DGKB: variants seen among roughly 807,000 people sequenced by gnomAD.
DGKB encodes diacylglycerol kinase beta.
In DGKB, 67 loss-of-function variants were observed where a neutral mutation model predicts 114.3. That is an observed-to-expected ratio of 0.59 (90% CI 0.48 to 0.72). DGKB has a LOEUF of 0.72. Ranked by LOEUF, DGKB falls within the 30% of genes least tolerant of loss-of-function variation. The probability of loss-of-function intolerance (pLI) is 0.00; values close to 1 mark genes in which losing one functional copy is unlikely to be tolerated. For synonymous variants in DGKB, 398 were observed against 323.1 expected, an observed-to-expected ratio of 1.23 and a Z score of -2.49; for missense variants, 907 against 975.2, an observed-to-expected ratio of 0.93 and a Z score of 0.93.
intron 1 of DGKB, among the ~76,000 whole-genome samples, chr7:14,899,044 G>C (rs1404591783): frequency 1.3e-5 from 2 of 152,020 alleles, no homozygotes; most frequent in African/African-American, 4.8e-5. Flanking sequence ...AATATTGTTT[G>C]GCTCTACGCC....
intron 22 of DGKB, among the ~76,000 whole-genome samples, chr7:14,338,936 A>G (rs1168555729): frequency 6.6e-6 from 1 of 152,070 alleles, no homozygotes; most frequent in African/African-American, 2.4e-5. Flanking sequence ...AAAATGATCA[A>G]ATTAAATCAC....
In DGKB at chr7:14,786,784, A is replaced by G. The variant is rs187987628; in HGVS notation, c.71-29053T>C. On this transcript the variant is annotated intron_variant, in intron 2 of 25. Transcript: ENST00000402815. ...AGCCCCCTCCAGATTTTGGGTGCCA[A>G]TGAGCACGGCAGGGAAGCCAAGGGG... is the stretch of plus-strand genomic sequence containing the variant. Among the ~76,000 whole-genome samples, 97 of 152,350 alleles carry G rather than the reference A, an allele frequency of 6.4e-4. 1 individual carries two copies. The highest frequency in any genetic ancestry group is 2.3e-3 in the African/African-American group (95 of 41,580).
chr7:14,242,481 T>G (rs1001249963), intron 23 of DGKB, among the ~76,000 whole-genome samples: 2 of 152,156 alleles, frequency 1.3e-5, no homozygotes, highest in African/African-American at 4.8e-5. Context: ...ACTGCGTGTC[T>G]GAGAAGGAGC....
chr7:14,758,320 A>C (rs527399551), intron 2 of DGKB, among the ~76,000 whole-genome samples: 1 of 152,156 alleles, frequency 6.6e-6, no homozygotes, highest in Non-Finnish European at 1.5e-5. Flanking sequence ...AGAAATTTTA[A>C]GTTAATAAAA....
At chr7:14,376,708 G>A (rs1165793172) in intron 21 of DGKB, among the ~76,000 whole-genome samples, 1 of 152,120 alleles carries the variant, frequency 6.6e-6, no homozygotes, top group African/African-American at 2.4e-5. Context: ...TAGCACATGT[G>A]TTGCCTGTTT....
At chr7:14,674,738 T>C (rs1033585686) in intron 12 of DGKB, among the ~76,000 whole-genome samples, 6 of 151,962 alleles carry the variant, frequency 3.9e-5, no homozygotes, top group African/African-American at 1.4e-4. Flanking sequence ...TCTGATAACA[T>C]AGGTCGATAT....
rs539335739 is a variant in DGKB, at chr7:14,287,925, A to G, written c.2122+50590T>C. Among the ~76,000 whole-genome samples, 5 of 152,268 alleles carry G rather than the reference A, an allele frequency of 3.3e-5. No homozygotes were observed. The South Asian group carries it at 1.0e-3, about 32-fold the overall frequency. ...ATTTTTAAACATAATTATTCCCTTG[A>G]TACTGCCTCATTTCCACATTAGTCC... On this transcript the variant is annotated intron_variant, in intron 23 of 25. Coordinates refer to ENST00000402815, the MANE Select transcript of DGKB (RefSeq NM_001350709.2).
At chr7:14,682,421 T>G in intron 12 of DGKB, 132 bp downstream of exon 12, 1 of 658,430 alleles carries the variant, frequency 1.5e-6, no homozygotes, top group Non-Finnish European at 2.7e-6. Context: ...CAAGCTGAAA[T>G]GAGAAGTTTC....
intron 13 of DGKB, among the ~76,000 whole-genome samples, chr7:14,644,109 T>TTAC (rs1195390693): frequency 7.2e-6 from 1 of 138,818 alleles, no homozygotes; most frequent in Non-Finnish European, 1.6e-5. Context: ...ACTGATTTGA[T>TTAC]TACAGGCAAA....
chr7:14,525,448 T>C (rs1054352144), intron 20 of DGKB, among the ~76,000 whole-genome samples: 1 of 152,168 alleles, frequency 6.6e-6, no homozygotes, highest in Non-Finnish European at 1.5e-5. Flanking sequence ...TCTTTTGTCA[T>C]ATTTATACCA....
chr7:14,259,407 C>A (rs13234841), intron 23 of DGKB, among the ~76,000 whole-genome samples: 6,602 of 108,012 alleles, frequency 0.061, 220 homozygotes, highest in East Asian at 0.1. Flanking sequence ...CTCTCTCTCT[C>A]TATATATATA....
At chr7:14,836,392 A>G (rs991206304) in intron 2 of DGKB, among the ~76,000 whole-genome samples, 4 of 152,236 alleles carry the variant, frequency 2.6e-5, no homozygotes, top group African/African-American at 7.2e-5. Context: ...CATGCTATAT[A>G]ACACACATTA....
chr7:14,231,103 CT>C (rs1359873166), intron 23 of DGKB, among the ~76,000 whole-genome samples: 1 of 119,544 alleles, frequency 8.4e-6, no homozygotes, highest in South Asian at 2.9e-4. Flanking sequence ...TTCTTTCTTT[CT>C]TTCTTTCTTT....
rs1431387807 is a variant in DGKB, at chr7:14,601,787, G to A, written c.1433+5647C>T. Among the ~76,000 whole-genome samples, 4 of 152,072 alleles carry A rather than the reference G, an allele frequency of 2.6e-5. No individual in the cohort carries two copies. The East Asian group carries it at 7.7e-4, about 29-fold the overall frequency. ...CATAACAAGGATTGCCTTTCCTCTG[G>A]TTGCAAATAACTTGTTCCCCATTTT... is the stretch of plus-strand genomic sequence containing the variant. On this transcript the variant is annotated intron_variant, in intron 17 of 25. Coordinates refer to ENST00000402815, the MANE Select transcript of DGKB (RefSeq NM_001350709.2).
chr7:14,581,114 A>G (rs1241224302), intron 18 of DGKB, among the ~76,000 whole-genome samples, 163 bp from the exon 19 acceptor site: 1 of 152,230 alleles, frequency 6.6e-6, no homozygotes, highest in Non-Finnish European at 1.5e-5. Flanking sequence ...ATTATGGATA[A>G]TTTGTATACA....
At chr7:14,561,599 T>C (rs1299869822) in intron 20 of DGKB, among the ~76,000 whole-genome samples, 2 of 152,072 alleles carry the variant, frequency 1.3e-5, no homozygotes, top group Non-Finnish European at 2.9e-5. Context: ...CAGGCTGAGG[T>C]AGTCTCAGAT....
At chr7:14,838,992 A>T (rs1032081049) in intron 2 of DGKB, among the ~76,000 whole-genome samples, 1 of 152,110 alleles carries the variant, frequency 6.6e-6, no homozygotes, top group Non-Finnish European at 1.5e-5. Context: ...ATTTGTTTCA[A>T]ATCCTCCCTC....
chr7:14,761,917 T>A (rs1835755542), intron 2 of DGKB, among the ~76,000 whole-genome samples: 1 of 152,108 alleles, frequency 6.6e-6, no homozygotes, highest in African/African-American at 2.4e-5. Flanking sequence ...CACAAAAGAT[T>A]GGGTCTCCTG....
Position 14,704,998 on chromosome 7 carries a change from G to T in DGKB, c.467-3268C>A, listed in dbSNP as rs1405258336. On this transcript the variant is annotated intron_variant, in intron 6 of 25. Transcript: ENST00000402815. Reference sequence around the variant, plus strand: ...GACTTTGACGAGCTGAGAGAAGAAGGCTTCAGACGATCAAATTACTCTGAG... The same window carrying T: ...GACTTTGACGAGCTGAGAGAAGAAGTCTTCAGACGATCAAATTACTCTGAG... Among the ~76,000 whole-genome samples the T allele has an allele frequency of 3.2e-3, 484 of 151,858 alleles. 1 individual carries two copies. The highest frequency in any genetic ancestry group is 0.011 in the African/African-American group (465 of 41,464).
Sources: gnomAD v4.1 joint callset for allele counts (sites outside exome capture counted in the v4.1 genomes callset) on GRCh38, gnomAD v4.1.1 for gene constraint, MANE v1.5 for transcripts, NCBI Gene and HGNC (gene_info 2026-07-23, HGNC 2026-07-21) for gene names.